SLC28A1: variants seen among roughly 807,000 people sequenced by gnomAD.
SLC28A1 encodes solute carrier family 28 member 1.
Under a neutral mutation model 74.8 loss-of-function variants are expected in SLC28A1, and 64 were observed. The ratio of observed to expected loss-of-function variants is 0.86; its 90% CI spans 0.70 to 1.05. The LOEUF is 1.05. Among genes scored for constraint, SLC28A1 ranks in the 50% least tolerant of loss-of-function variants. The pLI is 0.00. For synonymous variants in SLC28A1, 359 were observed against 335.0 expected (o/e 1.07, Z -0.78); for missense variants, 828 against 822.8 (o/e 1.01, Z -0.08).
intron 4 of SLC28A1, 55 bp from the exon 5 acceptor site, chr15:84,890,388 T>A (rs1043161418): frequency 6.5e-5 from 84 of 1,286,358 alleles, no homozygotes; most frequent in Middle Eastern, 5.1e-4. Context: ...GCTGAGGATC[T>A]CCCCCAGATG....
the SLC28A1 span, among the ~76,000 whole-genome samples, chr15:84,955,900 T>A: frequency 6.6e-6 from 1 of 152,140 alleles, no homozygotes; most frequent in African/African-American, 2.4e-5. Flanking sequence ...GCCTTCCTGA[T>A]CAAGGGATAG....
chr15:84,890,604 G>A, intron 5 of SLC28A1, 70 bp downstream of exon 5: 1 of 1,225,542 alleles, frequency 8.2e-7, no homozygotes, highest in Admixed American at 1.9e-5. Flanking sequence ...CTCAGGGCAG[G>A]GTCATTCACT....
chr15:84,900,844 G>A (rs1051631173), intron 6 of SLC28A1, among the ~76,000 whole-genome samples: 9 of 150,784 alleles, frequency 6.0e-5, no homozygotes, highest in Non-Finnish European at 1.3e-4. Flanking sequence ...GAAGGGGAAG[G>A]GGAAAGGGAA....
At chr15:84,906,029 T>TC (rs1967054433) in intron 8 of SLC28A1, among the ~76,000 whole-genome samples, 1 of 150,770 alleles carries the variant, frequency 6.6e-6, no homozygotes, top group Non-Finnish European at 1.5e-5. Context: ...TTTTTTTTTT[T>TC]TTTCTTTCAA....
chr15:84,950,339 G>A (rs1258781594), downstream of SLC28A1, among the ~76,000 whole-genome samples: 1 of 146,548 alleles, frequency 6.8e-6, no homozygotes, highest in Non-Finnish European at 1.5e-5. Context: ...ACAGCTGGCT[G>A]TCCTCCAGTC....
chr15:84,899,739 A>G (rs1966396515), intron 6 of SLC28A1, among the ~76,000 whole-genome samples: 1 of 152,172 alleles, frequency 6.6e-6, no homozygotes, highest in African/African-American at 2.4e-5. Flanking sequence ...GATTTACGCT[A>G]CAAGAAATGC....
At chr15:84,908,877 G>T (rs527858512) in intron 9 of SLC28A1, 82 bp downstream of exon 9, 3 of 1,140,318 alleles carry the variant, frequency 2.6e-6, no homozygotes, top group Non-Finnish European at 4.0e-6. Flanking sequence ...GGCATGGTGG[G>T]GGCCCAGGTG....
downstream of SLC28A1, among the ~76,000 whole-genome samples, chr15:84,948,241 C>A (rs1313485233): frequency 6.6e-6 from 1 of 152,122 alleles, no homozygotes; most frequent in African/African-American, 2.4e-5. Flanking sequence ...CTCTTTGCAA[C>A]CACATGAAGA....
chr15:84,944,988 G>A, intron 18 of SLC28A1, 121 bp downstream of exon 18: 1 of 1,053,718 alleles, frequency 9.5e-7, no homozygotes. Context: ...GCAGCTAATG[G>A]GGAGGTGAAG....
At chr15:84,947,396 G>C (rs188594812), downstream of SLC28A1, among the ~76,000 whole-genome samples, 1 of 152,204 alleles carries the variant, frequency 6.6e-6, no homozygotes, top group Non-Finnish European at 1.5e-5. Context: ...ACAGCCCAAG[G>C]ACTGCCCTTG....
the SLC28A1 span, among the ~76,000 whole-genome samples, chr15:84,965,026 T>TTTGGC: frequency 6.7e-6 from 1 of 149,652 alleles, no homozygotes; most frequent in Non-Finnish European, 1.5e-5. Context: ...CTTGATATGG[T>TTTGGC]TTGGCTGTGT....
intron 9 of SLC28A1, among the ~76,000 whole-genome samples, chr15:84,913,280 G>C (rs1186748806): frequency 6.6e-6 from 1 of 152,200 alleles, no homozygotes; most frequent in East Asian, 1.9e-4. Context: ...ACTGTCGACA[G>C]TGCTCAAGCC....
chr15:84,968,301 C>T, the SLC28A1 span, among the ~76,000 whole-genome samples: 1 of 152,078 alleles, frequency 6.6e-6, no homozygotes, highest in East Asian at 1.9e-4. Flanking sequence ...AGTCTGATGC[C>T]TGGTTTGGTG....
chr15:84,975,445 C>T, the SLC28A1 span: 1 of 455,668 alleles, frequency 2.2e-6, no homozygotes, highest in South Asian at 1.6e-5. Context: ...ATGGTTGTTG[C>T]CCCTCATTTT....
chr15:84,939,758 A>T (rs28430562), intron 15 of SLC28A1: 4 of 152,022 alleles, frequency 2.6e-5, no homozygotes, highest in African/African-American at 9.7e-5. Context: ...AAAAAATTGT[A>T]TTTACTTAGA....
At chr15:84,972,666 C>T in the SLC28A1 span, among the ~76,000 whole-genome samples, 358 of 152,300 alleles carry the variant, frequency 2.4e-3, 2 homozygotes, top group African/African-American at 7.4e-3. Context: ...TAGGGGTAGC[C>T]AGGGCTTTCA....
In SLC28A1 at chr15:84,888,865, G is replaced by T; in HGVS notation, c.185+5G>T. On this transcript the variant is annotated splice_donor_5th_base_variant and intron_variant, in intron 4 of 18. Transcript: ENST00000394573. Reference sequence around the variant, plus strand: ...GCCGAAGCCCTTCTCCAGATGGTAGGTGATCTCTGGAGAGACAAGGGCGGG... The same window carrying T: ...GCCGAAGCCCTTCTCCAGATGGTAGTTGATCTCTGGAGAGACAAGGGCGGG... 1 of 1,546,224 alleles carries T rather than the reference G, an allele frequency of 6.5e-7. No individual in the cohort carries two copies. Among genetic ancestry groups the T allele is most frequent in the Non-Finnish European group, 8.8e-7 (1 of 1,141,910 alleles).
At chr15:84,974,392 C>T in the SLC28A1 span, among the ~76,000 whole-genome samples, 5 of 152,324 alleles carry the variant, frequency 3.3e-5, no homozygotes, top group South Asian at 2.1e-4. Flanking sequence ...AGGCAGGCCA[C>T]GGTTGGCAAC....
chr15:84,960,228 C>CTTTTTTTTTTT, the SLC28A1 span, among the ~76,000 whole-genome samples: 10 of 85,586 alleles, frequency 1.2e-4, no homozygotes, highest in East Asian at 1.1e-3. Context: ...TGCCTGCCTG[C>CTTTTTTTTTTT]TTTTTTTTTT....
Sources: gnomAD v4.1 joint callset for allele counts (sites outside exome capture counted in the v4.1 genomes callset) on GRCh38, gnomAD v4.1.1 for gene constraint, MANE v1.5 for transcripts, NCBI Gene and HGNC (gene_info 2026-07-23, HGNC 2026-07-21) for gene names.